Variants in CHRM2 observed in about 807,000 individuals in gnomAD.
The protein encoded by CHRM2 is muscarinic acetylcholine receptor M2.
Under a neutral mutation model 25.0 loss-of-function variants are expected in CHRM2, and 8 were observed. That is an observed-to-expected ratio of 0.32 (90% CI 0.19 to 0.58). CHRM2 has a LOEUF of 0.58. Ranked by LOEUF, CHRM2 falls within the 20% of genes least tolerant of loss-of-function variation. The pLI, the probability that CHRM2 is intolerant of heterozygous loss-of-function variation, is 0.88. For synonymous variants in CHRM2, 202 were observed against 205.7 expected (o/e 0.98, Z 0.15); for missense variants, 440 against 567.1 (o/e 0.78, Z 2.28).
chr7:136,947,646 T>C (rs959839533), intron 2 of CHRM2, among the ~76,000 whole-genome samples: 1 of 152,200 alleles, frequency 6.6e-6, no homozygotes, highest in African/African-American at 2.4e-5. Context: ...CTAAGAAACC[T>C]GCTTCTTTAG....
intron 2 of CHRM2, among the ~76,000 whole-genome samples, chr7:136,953,062 G>A (rs1469736357): frequency 1.3e-5 from 2 of 152,094 alleles, no homozygotes; most frequent in Admixed American, 6.6e-5. Flanking sequence ...CTTTATGATA[G>A]AACTATTTGT....
At chr7:136,872,833 G>A (rs1032718506) in intron 2 of CHRM2, among the ~76,000 whole-genome samples, 4 of 152,322 alleles carry the variant, frequency 2.6e-5, no homozygotes, top group Non-Finnish European at 5.9e-5. Context: ...GAATCTGTAG[G>A]TATATCAATA....
intron 3 of CHRM2, among the ~76,000 whole-genome samples, chr7:136,999,123 C>G (rs1216878688): frequency 6.6e-6 from 1 of 152,034 alleles, no homozygotes; most frequent in Non-Finnish European, 1.5e-5. Context: ...CTTTCCCTAC[C>G]CTGTTTATTT....
intron 2 of CHRM2, among the ~76,000 whole-genome samples, chr7:136,966,355 A>T (rs2130912697): frequency 6.6e-6 from 1 of 152,092 alleles, no homozygotes; most frequent in East Asian, 1.9e-4. Flanking sequence ...AATTAATTGT[A>T]ATATCTTTAT....
At chr7:136,917,878 T>C (rs1194245287) in intron 2 of CHRM2, among the ~76,000 whole-genome samples, 1 of 152,056 alleles carries the variant, frequency 6.6e-6, no homozygotes, top group African/African-American at 2.4e-5. Flanking sequence ...TCAGATAGGA[T>C]ATGAATATTT....
chr7:136,922,374 T>C (rs545271350), intron 2 of CHRM2, among the ~76,000 whole-genome samples: 3 of 152,208 alleles, frequency 2.0e-5, no homozygotes, highest in Non-Finnish European at 4.4e-5. Flanking sequence ...CTGGCCCTGC[T>C]CTTCTCTACA....
intron 2 of CHRM2, among the ~76,000 whole-genome samples, chr7:136,879,009 C>T (rs916344428): frequency 6.6e-6 from 1 of 151,860 alleles, no homozygotes; most frequent in Non-Finnish European, 1.5e-5. Flanking sequence ...AAACAGACTT[C>T]ATGGTAAAGG....
intron 2 of CHRM2, among the ~76,000 whole-genome samples, chr7:136,895,243 C>T (rs1404850470): frequency 1.3e-5 from 2 of 152,092 alleles, no homozygotes; most frequent in Non-Finnish European, 2.9e-5. Flanking sequence ...AATTTGATAA[C>T]ATTTATGTGT....
At chr7:136,992,048 A>C (rs1803266962) in intron 2 of CHRM2, 139 bp from the exon 3 acceptor site, 2 of 152,170 alleles carry the variant, frequency 1.3e-5, no homozygotes, top group Admixed American at 1.3e-4. Context: ...TTGGTGTCTA[A>C]CTTGAGTCAC....
chr7:137,006,758 T>C (rs142887713), intron 3 of CHRM2, among the ~76,000 whole-genome samples: 2 of 152,044 alleles, frequency 1.3e-5, no homozygotes, highest in Admixed American at 6.6e-5. Flanking sequence ...GGCCTTTTTT[T>C]TCCCCCAAAA....
intron 2 of CHRM2, among the ~76,000 whole-genome samples, chr7:136,977,435 T>A (rs1802177550): frequency 6.6e-6 from 1 of 152,154 alleles, no homozygotes; most frequent in Non-Finnish European, 1.5e-5. Context: ...TACAAGGTCT[T>A]ACGATAGACA....
chr7:136,982,602 A>T (rs1032063858), intron 2 of CHRM2, among the ~76,000 whole-genome samples: 1 of 151,900 alleles, frequency 6.6e-6, no homozygotes, highest in Non-Finnish European at 1.5e-5. Flanking sequence ...TCCATATTTA[A>T]TGCTTCCTTC....
At chr7:136,874,700 A>G (rs1387164272) in intron 2 of CHRM2, among the ~76,000 whole-genome samples, 1 of 151,924 alleles carries the variant, frequency 6.6e-6, no homozygotes, top group Non-Finnish European at 1.5e-5. Context: ...GAGAATTTCA[A>G]TTTCAAACAA....
At chr7:136,948,428 G>C (rs1393593136) in intron 2 of CHRM2, among the ~76,000 whole-genome samples, 1 of 152,068 alleles carries the variant, frequency 6.6e-6, no homozygotes, top group East Asian at 1.9e-4. Context: ...AATGGGAGTG[G>C]ATCACTGGAA....
Position 136,884,700 on chromosome 7 carries a change from C to T in CHRM2, c.-125+15282C>T, listed in dbSNP as rs1004291226. On this transcript the variant is annotated intron_variant, in intron 2 of 3. Coordinates refer to ENST00000680005, the MANE Select transcript of CHRM2 (RefSeq NM_001006630.2). ...GTCCTCCTGGGGAATGTTGGGAAGG[C>T]ACTTGCAAAGCTATTTTAAGAGGCG... 2.0e-5 allele frequency among the ~76,000 whole-genome samples: 3 copies of T among 152,090 alleles called. 1 individual carries two copies. The South Asian group carries it at 6.2e-4, about 31-fold the overall frequency.
chr7:136,899,906 G>C (rs1006541130), intron 2 of CHRM2: 1 of 152,150 alleles, frequency 6.6e-6, no homozygotes, highest in Non-Finnish European at 1.5e-5. Context: ...TAAAAAGCTT[G>C]TTTCATGCAA....
At position 137,018,474 on chromosome 7, in the gene CHRM2, T is replaced by G. The variant is rs888099633; in HGVS notation, c.*2208T>G. The G allele has an allele frequency of 2.0e-5, 3 of 151,950 alleles. No individual in the cohort carries two copies. Among genetic ancestry groups the G allele is most frequent in the Non-Finnish European group, 4.4e-5 (3 of 67,908 alleles). 9.4% of individuals were successfully genotyped at this position (151,950 alleles called of 1,614,324 possible). A position where few individuals can be genotyped will look rare whatever the true frequency, so the allele number is the denominator to read the frequency against. ...TTGAACGGAAATAACGTCAAGCCAG[T>G]GGGCTCCTCGAGTTTCTGAAAACCA... On this transcript the variant is annotated 3_prime_UTR_variant, in exon 4 of 4. Coordinates refer to ENST00000680005, the MANE Select transcript of CHRM2 (RefSeq NM_001006630.2).
intron 3 of CHRM2, among the ~76,000 whole-genome samples, chr7:136,998,792 C>A (rs1022099865): frequency 2.0e-5 from 3 of 151,566 alleles, no homozygotes; most frequent in Non-Finnish European, 4.4e-5. Flanking sequence ...CATCATCTTG[C>A]AAATTTTTTT....
chr7:137,009,818 T>A (rs1804688361), intron 3 of CHRM2, among the ~76,000 whole-genome samples: 1 of 152,044 alleles, frequency 6.6e-6, no homozygotes, highest in African/African-American at 2.4e-5. Flanking sequence ...TCATTACCAG[T>A]AGTAGTATTG....
Sources: allele counts gnomAD v4.1 joint callset (sites outside exome capture counted in the v4.1 genomes callset), GRCh38; gene constraint gnomAD v4.1.1; transcripts MANE v1.5; gene names NCBI Gene and HGNC (gene_info 2026-07-23, HGNC 2026-07-21).